POLR3GL: variants seen among roughly 807,000 people sequenced by gnomAD.
The protein encoded by POLR3GL is DNA-directed RNA polymerase III subunit RPC7-like.
POLR3GL carries 26 observed loss-of-function variants against 32.4 expected under a neutral mutation model. That is an observed-to-expected ratio of 0.80 (90% confidence interval 0.59 to 1.11). The LOEUF (loss-of-function observed/expected upper bound fraction) is 1.11, where lower values mean the gene tolerates loss of function less well. POLR3GL is among the 50% of genes most tolerant of loss of function. POLR3GL has a pLI of 0.00. For missense variants in POLR3GL, 229 were observed against 280.1 expected (o/e 0.82, Z 1.30); for synonymous variants, 95 against 98.7 (o/e 0.96, Z 0.22).
rs1369849042 is a variant in POLR3GL, at chr1:145,977,844, A to G, written c.449A>G (p.Lys150Arg). The change falls in exon 6 of 8, where the codon AAA becomes AGA. Residue 150 changes from lysine to arginine, a missense_variant. Transcript: ENST00000369314. ...TTEDKEETIQ[K>R]LETLEKKEEE... The stretch of plus-strand genomic sequence containing the variant: ...GAAGATAAGGAGGAAACAATACAGA[A>G]ACTAGAGGTGAGGAGGAAGTGTGCA... The G allele has an allele frequency of 1.2e-6, 2 of 1,613,976 alleles. No homozygotes were observed. The highest frequency in any genetic ancestry group is 4.5e-5 in the East Asian group (2 of 44,882).
chr1:145,975,203 GC>G (rs1650497766), intron 2 of POLR3GL, 103 bp from the exon 3 acceptor site: 15 of 1,442,584 alleles, frequency 1.0e-5, no homozygotes, highest in Non-Finnish European at 1.4e-5. Context: ...TTGTCATTTG[GC>G]CCTCTGCTCA....
At chr1:145,971,274 C>T (rs1553762639) in intron 1 of POLR3GL, among the ~76,000 whole-genome samples, 1 of 150,638 alleles carries the variant, frequency 6.6e-6, no homozygotes, top group African/African-American at 2.4e-5. Context: ...AAGGTTGATA[C>T]TTGATTGACA....
In POLR3GL at chr1:145,964,731, G is replaced by A. The variant is rs981635178; in HGVS notation, c.-79G>A. On this transcript the variant is annotated 5_prime_UTR_variant, in exon 1 of 8. Transcript: ENST00000369314. ...GAGGAAGCCCAGTACATTTCAAGTTGGTCGCGGCTTGGGCTCCGCTTTGGG... is the reference window on the plus strand; with the variant it reads ...GAGGAAGCCCAGTACATTTCAAGTTAGTCGCGGCTTGGGCTCCGCTTTGGG... 1.3e-5 allele frequency: 2 copies of A among 152,312 alleles called. No individual in the cohort carries two copies. Among genetic ancestry groups the A allele is most frequent in the African/African-American group, 2.4e-5 (1 of 41,448 alleles). 9.4% of individuals were successfully genotyped at this position (152,312 alleles called of 1,614,324 possible).
intron 1 of POLR3GL, among the ~76,000 whole-genome samples, chr1:145,971,472 T>G (rs1650293818): frequency 6.6e-6 from 1 of 152,202 alleles, no homozygotes; most frequent in African/African-American, 2.4e-5. Flanking sequence ...TGCTGGAATT[T>G]GATATTTTTC....
At chr1:145,970,768 C>G (rs1429855042) in intron 1 of POLR3GL, among the ~76,000 whole-genome samples, 1 of 145,920 alleles carries the variant, frequency 6.9e-6, no homozygotes, top group Non-Finnish European at 1.5e-5. Context: ...CCCAACTACT[C>G]GGGAGGCTGA....
At chr1:145,972,553 T>C (rs1650369640) in intron 1 of POLR3GL, among the ~76,000 whole-genome samples, 1 of 152,210 alleles carries the variant, frequency 6.6e-6, no homozygotes, top group African/African-American at 2.4e-5. Flanking sequence ...TCTTATACTT[T>C]GGGGTTATAA....
At chr1:145,973,658 G>A (rs1212535119) in intron 1 of POLR3GL, among the ~76,000 whole-genome samples, 2 of 151,732 alleles carry the variant, frequency 1.3e-5, no homozygotes, top group African/African-American at 4.8e-5. Flanking sequence ...GTTGCAGTGA[G>A]CCAAGATTGC....
At position 145,972,045 on chromosome 1, in the gene POLR3GL, G is replaced by T. The variant is rs184537917; in HGVS notation, c.-41-2780G>T. ...GTGTGTGTGTGTATATATATAGAGA[G>T]AGAGAGAGAGAGAAATTCCCTATAC... On this transcript the variant is annotated intron_variant, in intron 1 of 7. Transcript: ENST00000369314. Among the ~76,000 whole-genome samples the T allele has an allele frequency of 5.9e-3, 834 of 141,970 alleles. 9 individuals carry two copies. The highest frequency in any genetic ancestry group is 0.021 in the African/African-American group (770 of 36,844). 93.1% of individuals were successfully genotyped at this position (141,970 alleles called of 152,430 possible).
intron 3 of POLR3GL, 85 bp downstream of exon 3, chr1:145,975,521 C>G: frequency 3.4e-6 from 5 of 1,479,310 alleles, no homozygotes; most frequent in Non-Finnish European, 4.7e-6. Context: ...CAGAGGGGCA[C>G]AGGAAGCATA....
intron 1 of POLR3GL, among the ~76,000 whole-genome samples, chr1:145,973,001 C>G (rs1650396927): frequency 2.6e-5 from 4 of 152,232 alleles, no homozygotes; most frequent in Admixed American, 2.6e-4. Context: ...ACCCAGCTAA[C>G]CCATCAATAT....
rs1287354352 is a variant in POLR3GL, at chr1:145,977,476, T to G, written c.326-7T>G. ...CCTATTGACATTTACGTTCCCACTA[T>G]TCCCAGATTGGCGGCGTCTACCCCG... On this transcript the variant is annotated splice_region_variant and splice_polypyrimidine_tract_variant and intron_variant, in intron 4 of 7. Coordinates refer to ENST00000369314, the MANE Select transcript of POLR3GL (RefSeq NM_032305.3). The G allele has an allele frequency of 1.9e-6, 3 of 1,613,698 alleles. No homozygotes were observed. In the African/African-American group the frequency reaches 4.0e-5, roughly 22 times the overall value.
At chr1:145,971,964 C>CAAAAAAAAA (rs1187495263) in intron 1 of POLR3GL, among the ~76,000 whole-genome samples, 1 of 45,584 alleles carries the variant, frequency 2.2e-5, no homozygotes, top group Non-Finnish European at 3.4e-5. Flanking sequence ...GACTCTGTCT[C>CAAAAAAAAA]AAAAAAAAAA....
intron 3 of POLR3GL, 42 bp downstream of exon 3, chr1:145,975,478 G>T: frequency 6.2e-7 from 1 of 1,603,282 alleles, no homozygotes; most frequent in Non-Finnish European, 8.5e-7. Context: ...TGCCTTCCAT[G>T]GGGAGTGCCC....
chr1:145,974,275 G>A (rs1553763081), intron 1 of POLR3GL, among the ~76,000 whole-genome samples: 1 of 152,182 alleles, frequency 6.6e-6, no homozygotes, highest in African/African-American at 2.4e-5. Context: ...ATGTTTCGCC[G>A]AATGCATTGC....
At chr1:145,977,198 G>A in intron 4 of POLR3GL, 46 bp downstream of exon 4, 1 of 1,509,420 alleles carries the variant, frequency 6.6e-7, no homozygotes. Flanking sequence ...TCAAATGCAT[G>A]GGATGCTTCA....
At chr1:145,977,218 C>T in intron 4 of POLR3GL, 66 bp downstream of exon 4, 4 of 1,378,114 alleles carry the variant, frequency 2.9e-6, no homozygotes, top group Non-Finnish European at 3.1e-6. Context: ...AAGCTATTCC[C>T]ACCACGCCCA....
chr1:145,970,747 G>T (rs970569422), intron 1 of POLR3GL, among the ~76,000 whole-genome samples: 3 of 151,296 alleles, frequency 2.0e-5, no homozygotes, highest in Admixed American at 6.6e-5. Flanking sequence ...ACGGTGGCGG[G>T]CTCCTGTAAT....
At chr1:145,969,205 C>A (rs1372265344) in intron 1 of POLR3GL, among the ~76,000 whole-genome samples, 1 of 152,078 alleles carries the variant, frequency 6.6e-6, no homozygotes, top group African/African-American at 2.4e-5. Flanking sequence ...CCCAAGTGAT[C>A]CTTCTGCCCT....
chr1:145,966,106 A>T (rs1384462823), intron 1 of POLR3GL, among the ~76,000 whole-genome samples: 3 of 144,082 alleles, frequency 2.1e-5, no homozygotes, highest in East Asian at 4.1e-4. Context: ...ACAAGAGCAA[A>T]ACTCCCTCTC....
Sources: allele counts gnomAD v4.1 joint callset (sites outside exome capture counted in the v4.1 genomes callset), GRCh38; gene constraint gnomAD v4.1.1; transcripts MANE v1.5; gene names NCBI Gene and HGNC (gene_info 2026-07-23, HGNC 2026-07-21).